The following FBXW10B variants were observed in gnomAD, a reference collection of about 807,000 sequenced individuals.
The protein encoded by FBXW10B is F-box and WD repeat domain containing 10B, also known as F-box and WD repeat domain containing protein 10B.
the FBXW10B span, among the ~76,000 whole-genome samples, chr17:15,608,176 T>TTTC: frequency 7.8e-6 from 1 of 128,282 alleles, no homozygotes; most frequent in African/African-American, 3.0e-5. Context: ...TTTTTTTTTT[T>TTTC]TTTCAGACGG....
chr17:15,613,789 A>C, the FBXW10B span: 1 of 1,612,764 alleles, frequency 6.2e-7, no homozygotes, highest in Non-Finnish European at 8.5e-7. Flanking sequence ...AACTGGGCCA[A>C]GAGGGGAGGT....
the FBXW10B span, chr17:15,612,781 C>T: frequency 2.5e-6 from 4 of 1,613,908 alleles, no homozygotes; most frequent in African/African-American, 2.7e-5. Context: ...GGGATAGAAA[C>T]CTTATTGGCA....
the FBXW10B span, among the ~76,000 whole-genome samples, chr17:15,608,951 T>C: frequency 6.6e-6 from 1 of 151,692 alleles, no homozygotes; most frequent in African/African-American, 2.4e-5. Context: ...CTTTATTTCC[T>C]TCCTGCCTGC....
chr17:15,576,793 G>A, the FBXW10B span, among the ~76,000 whole-genome samples: 1 of 150,472 alleles, frequency 6.6e-6, no homozygotes, highest in Admixed American at 6.6e-5. Flanking sequence ...TAAAACACTT[G>A]GAATTGGGGT....
the FBXW10B span, among the ~76,000 whole-genome samples, chr17:15,581,913 C>CT: frequency 1.3e-5 from 2 of 151,306 alleles, no homozygotes; most frequent in African/African-American, 4.9e-5. Context: ...CTTAGCCTTT[C>CT]TTCTCCTCAT....
chr17:15,614,368 T>C, the FBXW10B span, among the ~76,000 whole-genome samples: 1 of 152,042 alleles, frequency 6.6e-6, no homozygotes, highest in Non-Finnish European at 1.5e-5. Context: ...TTTTGTATTT[T>C]TTTTTTTAGT....
the FBXW10B span, among the ~76,000 whole-genome samples, chr17:15,578,163 T>C: frequency 1.2e-4 from 18 of 152,180 alleles, no homozygotes; most frequent in African/African-American, 4.3e-4. Context: ...AGATCAGAGA[T>C]GGCAAAATAA....
At chr17:15,599,058 C>T in the FBXW10B span, among the ~76,000 whole-genome samples, 14 of 151,878 alleles carry the variant, frequency 9.2e-5, no homozygotes, top group South Asian at 2.9e-3. Context: ...ACCTATAATC[C>T]CAGCTACTCA....
chr17:15,569,381 T>C, the FBXW10B span, among the ~76,000 whole-genome samples: 1 of 152,056 alleles, frequency 6.6e-6, no homozygotes, highest in Non-Finnish European at 1.5e-5. Context: ...ATTCCTCTGA[T>C]GATTAGTGAT....
chr17:15,615,590 G>C, the FBXW10B span: 1 of 1,608,058 alleles, frequency 6.2e-7, no homozygotes, highest in Admixed American at 1.7e-5. Flanking sequence ...TGGGATTACA[G>C]GCGTGAGCCA....
the FBXW10B span, among the ~76,000 whole-genome samples, chr17:15,603,297 C>T: frequency 1.1e-4 from 17 of 151,856 alleles, 1 homozygote; most frequent in Admixed American, 1.1e-3. Flanking sequence ...TCATCTGCAC[C>T]GTTGGCTCTC....
At chr17:15,586,915 G>A in the FBXW10B span, among the ~76,000 whole-genome samples, 12 of 151,504 alleles carry the variant, frequency 7.9e-5, no homozygotes, top group Admixed American at 2.0e-4. Flanking sequence ...TTCTGAAATG[G>A]GAGGAAGGAA....
chr17:15,568,031 G>C, the FBXW10B span, among the ~76,000 whole-genome samples: 1 of 152,148 alleles, frequency 6.6e-6, no homozygotes, highest in Non-Finnish European at 1.5e-5. Flanking sequence ...AAGTAGAGTG[G>C]TGGGTTATTG....
chr17:15,582,268 A>T, the FBXW10B span, among the ~76,000 whole-genome samples: 1 of 148,968 alleles, frequency 6.7e-6, no homozygotes, highest in Admixed American at 6.7e-5. Context: ...AGTGTTTGAG[A>T]TCTCTGAGAT....
chr17:15,612,492 T>A, the FBXW10B span: 1 of 278,928 alleles, frequency 3.6e-6, no homozygotes, highest in African/African-American at 2.3e-5. Context: ...CCAGCCTGGG[T>A]GACATAGTGA....
the FBXW10B span, among the ~76,000 whole-genome samples, chr17:15,580,171 G>T: frequency 2.0e-5 from 3 of 151,814 alleles, no homozygotes; most frequent in Admixed American, 1.3e-4. Context: ...GAATATAAAA[G>T]AATTTTTTTG....
the FBXW10B span, chr17:15,619,548 A>G: frequency 6.3e-7 from 1 of 1,596,012 alleles, no homozygotes; most frequent in Non-Finnish European, 8.6e-7. Context: ...AGCCCTGCGC[A>G]CTTGCAACGG....
At chr17:15,606,574 T>C in the FBXW10B span, among the ~76,000 whole-genome samples, 1 of 145,042 alleles carries the variant, frequency 6.9e-6, no homozygotes, top group African/African-American at 2.6e-5. Context: ...TTAAACTACA[T>C]ATATATGTGT....
the FBXW10B span, among the ~76,000 whole-genome samples, chr17:15,590,581 C>A: frequency 2.0e-5 from 3 of 149,002 alleles, no homozygotes; most frequent in African/African-American, 7.6e-5. Context: ...CACCACCAGC[C>A]CTCCTGCTCC....
Sources: allele counts gnomAD v4.1 joint callset (sites outside exome capture counted in the v4.1 genomes callset), GRCh38; gene constraint gnomAD v4.1.1; transcripts MANE v1.5; gene names NCBI Gene and HGNC (gene_info 2026-07-23, HGNC 2026-07-21).